TSPAN9: variants seen among roughly 807,000 people sequenced by gnomAD.
TSPAN9 encodes the protein tetraspanin-9.
In TSPAN9, 16 loss-of-function variants were observed where a neutral mutation model predicts 31.0. The observed-to-expected ratio is 0.52, with a 90% CI of 0.35 to 0.78. TSPAN9 has a LOEUF of 0.78. Among genes scored for constraint, TSPAN9 ranks in the 30% least tolerant of loss-of-function variants. TSPAN9 has a pLI of 0.01. For synonymous variants in TSPAN9, 145 were observed against 121.6 expected (o/e 1.19, Z -1.27); for missense variants, 272 against 312.5 (o/e 0.87, Z 0.98).
In TSPAN9 at chr12:3,170,746, A is replaced by G. The variant is rs1266804082; in HGVS notation, c.-17-30431A>G. Among the ~76,000 whole-genome samples, 4 of 152,042 alleles carry G rather than the reference A, an allele frequency of 2.6e-5. No individual in the cohort carries two copies. The highest frequency in any genetic ancestry group is 4.4e-5 in the Non-Finnish European group (3 of 68,016). On this transcript the variant is annotated intron_variant, in intron 2 of 8. Coordinates refer to ENST00000011898, the MANE Select transcript of TSPAN9 (RefSeq NM_006675.5). The surrounding 1 kb of genome is among the most constrained non-coding windows in gnomAD (Gnocchi z 4.4). ...AGTTGGGGAGGATGGCAGGAGGTAG[A>G]GCGGAAGGACCTGCACAGCTGTGGC... is the stretch of plus-strand genomic sequence containing the variant.
At chr12:3,191,960 A>G (rs1010277149) in intron 2 of TSPAN9, among the ~76,000 whole-genome samples, 16 of 152,214 alleles carry the variant, frequency 1.1e-4, no homozygotes, top group African/African-American at 3.9e-4. Flanking sequence ...ACCTTCTTCA[A>G]TAATTCACAA....
At chr12:3,244,726 G>C (rs188211679) in intron 3 of TSPAN9, among the ~76,000 whole-genome samples, 14 of 152,260 alleles carry the variant, frequency 9.2e-5, no homozygotes, top group Admixed American at 5.9e-4. Flanking sequence ...TGAGACCCGG[G>C]TAATGGGGAG....
chr12:3,183,360 C>G (rs991734342), intron 2 of TSPAN9, among the ~76,000 whole-genome samples: 3 of 152,160 alleles, frequency 2.0e-5, no homozygotes, highest in African/African-American at 7.2e-5. Flanking sequence ...GGCGTGACTT[C>G]CAGTTCTTGA....
At chr12:3,133,301 C>G (rs577038012) in intron 2 of TSPAN9, among the ~76,000 whole-genome samples, 1 of 152,274 alleles carries the variant, frequency 6.6e-6, no homozygotes, top group South Asian at 2.1e-4. Context: ...CCAGGCACTT[C>G]CTACAAGTAC....
intron 3 of TSPAN9, among the ~76,000 whole-genome samples, chr12:3,207,380 G>A (rs1265987412): frequency 1.3e-5 from 2 of 152,168 alleles, no homozygotes; most frequent in East Asian, 3.9e-4. Flanking sequence ...CCATCGGGCA[G>A]AGTTAAGTCT....
intron 2 of TSPAN9, among the ~76,000 whole-genome samples, chr12:3,087,561 G>A (rs185301950): frequency 1.3e-5 from 2 of 152,166 alleles, no homozygotes; most frequent in East Asian, 1.9e-4. Flanking sequence ...TAATGCCAGC[G>A]CTTTGGAAAG....
chr12:3,162,888 G>T (rs2098346179), intron 2 of TSPAN9, among the ~76,000 whole-genome samples: 1 of 152,176 alleles, frequency 6.6e-6, no homozygotes, highest in Non-Finnish European at 1.5e-5. Context: ...GAGGCCCCAG[G>T]CAGCCTATTG....
chr12:3,193,316 T>C (rs2098365436), intron 2 of TSPAN9, among the ~76,000 whole-genome samples: 1 of 152,022 alleles, frequency 6.6e-6, no homozygotes, highest in African/African-American at 2.4e-5. Flanking sequence ...GGGAGTGAGG[T>C]TGGCTTTGTG....
chr12:3,144,770 G>A (rs965706337), intron 2 of TSPAN9, among the ~76,000 whole-genome samples: 8 of 152,332 alleles, frequency 5.3e-5, no homozygotes, highest in Middle Eastern at 3.4e-3. Flanking sequence ...CCTGGGCTGC[G>A]CCCTGAGAAG....
chr12:3,119,694 A>G (rs1416372355), intron 2 of TSPAN9, among the ~76,000 whole-genome samples: 3 of 152,026 alleles, frequency 2.0e-5, no homozygotes, highest in Non-Finnish European at 2.9e-5. Flanking sequence ...CCCTTCTTTC[A>G]GGTCACCTCC....
intron 2 of TSPAN9, among the ~76,000 whole-genome samples, chr12:3,088,955 G>A (rs1275424732): frequency 6.6e-6 from 1 of 151,986 alleles, no homozygotes; most frequent in Admixed American, 6.5e-5. Context: ...ACTATAGGCT[G>A]GGTGTGATGG....
chr12:3,241,422 G>A (rs1303523176), intron 3 of TSPAN9, among the ~76,000 whole-genome samples: 2 of 152,166 alleles, frequency 1.3e-5, no homozygotes, highest in Non-Finnish European at 2.9e-5. Flanking sequence ...GTGTACAGCT[G>A]AGTTTTGAAA....
At chr12:3,090,941 G>A (rs1333250204) in intron 2 of TSPAN9, among the ~76,000 whole-genome samples, 2 of 152,274 alleles carry the variant, frequency 1.3e-5, no homozygotes, top group Admixed American at 6.5e-5. Context: ...TTGAAGTGGA[G>A]TCAGTGTGTT....
intron 3 of TSPAN9, among the ~76,000 whole-genome samples, chr12:3,254,258 A>G (rs1862305899): frequency 6.6e-6 from 1 of 151,786 alleles, no homozygotes; most frequent in Admixed American, 6.6e-5. Context: ...TACCTTCAGG[A>G]CTCCAGCTTC....
intron 2 of TSPAN9, among the ~76,000 whole-genome samples, chr12:3,158,773 G>C (rs1290151927): frequency 6.9e-6 from 1 of 144,688 alleles, no homozygotes; most frequent in Non-Finnish European, 1.5e-5. Flanking sequence ...CGGCCAACTT[G>C]CTACTTCCTG....
chr12:3,268,737 C>T (rs1260448093), intron 3 of TSPAN9, among the ~76,000 whole-genome samples: 2 of 104,550 alleles, frequency 1.9e-5, no homozygotes, highest in African/African-American at 7.2e-5. Flanking sequence ...TCCCTGTGTT[C>T]CTGCAGCCTG....
chr12:3,228,434 A>G (rs2098389017), intron 3 of TSPAN9, among the ~76,000 whole-genome samples: 1 of 152,234 alleles, frequency 6.6e-6, no homozygotes, highest in Admixed American at 6.5e-5. Flanking sequence ...TGAGGATACT[A>G]AATCTCAGAG....
At chr12:3,226,531 G>T (rs1290727167) in intron 3 of TSPAN9, among the ~76,000 whole-genome samples, 1 of 150,758 alleles carries the variant, frequency 6.6e-6, no homozygotes, top group Non-Finnish European at 1.5e-5. Flanking sequence ...GCCTCTGTAG[G>T]TGTGCTTGGA....
At chr12:3,118,080 G>A (rs981620856) in intron 2 of TSPAN9, among the ~76,000 whole-genome samples, 13 of 151,718 alleles carry the variant, frequency 8.6e-5, no homozygotes, top group South Asian at 4.2e-4. Context: ...TCTTTTTCTC[G>A]CCTGTGAAGT....
Sources: allele counts gnomAD v4.1 joint callset (sites outside exome capture counted in the v4.1 genomes callset), GRCh38; gene constraint gnomAD v4.1.1; non-coding constraint Gnocchi (gnomAD v3.1); transcripts MANE v1.5; gene names NCBI Gene and HGNC (gene_info 2026-07-23, HGNC 2026-07-21).